Variants in WDFY3 observed in about 807,000 individuals in gnomAD.
WDFY3 encodes the protein WD repeat and FYVE domain containing 3, also known as WD repeat and FYVE domain-containing protein 3.
In WDFY3, 66 loss-of-function variants were observed where a neutral mutation model predicts 409.6. The ratio of observed to expected loss-of-function variants is 0.16; its 90% CI spans 0.13 to 0.20. The LOEUF (loss-of-function observed/expected upper bound fraction) is 0.20, where lower values mean the gene tolerates loss of function less well. Ranked by LOEUF, WDFY3 falls within the 10% of genes least tolerant of loss-of-function variation. The pLI is 1.00. For synonymous variants in WDFY3, 1,521 were observed against 1,537.1 expected, an observed-to-expected ratio of 0.99 and a Z score of 0.25; for missense variants, 3,031 against 4,298.1, an observed-to-expected ratio of 0.71 and a Z score of 8.24.
intron 65 of WDFY3, 131 bp downstream of exon 65, chr4:84,678,788 C>T: frequency 5.1e-6 from 5 of 981,358 alleles, no homozygotes; most frequent in Non-Finnish European, 7.5e-6. Flanking sequence ...AAGAGGCATT[C>T]TGTGTGAGTG....
rs755548050 is a variant in WDFY3 at position 84,836,925 on chromosome 4, A to T, written c.576+4T>A. The T allele has an allele frequency of 1.3e-6, 2 of 1,556,920 alleles. No individual in the cohort carries two copies. The highest frequency in any genetic ancestry group is 4.7e-5 in the East Asian group (2 of 42,440). ...TGGAGGTAGGCAAATAGCACCTTTC[A>T]TACCTGTACAAAAACTTTCTGGAGT... is the stretch of plus-strand genomic sequence containing the variant. On this transcript the variant is annotated splice_donor_region_variant and intron_variant, in intron 7 of 67. Coordinates refer to ENST00000295888, the MANE Select transcript of WDFY3 (RefSeq NM_014991.6).
chr4:84,723,517 G>T (rs991046280), intron 46 of WDFY3, among the ~76,000 whole-genome samples: 1 of 152,038 alleles, frequency 6.6e-6, no homozygotes, highest in African/African-American at 2.4e-5. Context: ...TGAATTTGTG[G>T]TGAATCAGAG....
chr4:84,756,387 C>A (rs959417196), intron 33 of WDFY3, among the ~76,000 whole-genome samples: 1 of 151,900 alleles, frequency 6.6e-6, no homozygotes, highest in Non-Finnish European at 1.5e-5. Context: ...GAGTTCAAGA[C>A]CAGCTAGGCC....
chr4:84,860,337 G>T, intron 4 of WDFY3, 75 bp downstream of exon 4: 4 of 1,474,358 alleles, frequency 2.7e-6, no homozygotes, highest in Admixed American at 2.1e-5. Context: ...TTCTACCTAT[G>T]GCTTACCAGT....
intron 10 of WDFY3, among the ~76,000 whole-genome samples, chr4:84,823,152 T>C (rs1254260259): frequency 1.3e-5 from 2 of 152,134 alleles, no homozygotes; most frequent in Non-Finnish European, 2.9e-5. Context: ...GACAGGTACA[T>C]GGATCAATCA....
At chr4:84,828,362 A>T (rs962691314) in intron 9 of WDFY3, among the ~76,000 whole-genome samples, 4 of 151,458 alleles carry the variant, frequency 2.6e-5, no homozygotes, top group Non-Finnish European at 4.4e-5. Context: ...CATCTACATA[A>T]TTATTCTTAT....
intron 21 of WDFY3, among the ~76,000 whole-genome samples, chr4:84,793,349 T>C (rs1748836535): frequency 6.6e-6 from 1 of 152,186 alleles, no homozygotes; most frequent in African/African-American, 2.4e-5. Context: ...CTGAGATGTT[T>C]ATTGGAATAC....
At chr4:84,949,106 G>A (rs192205289) in intron 1 of WDFY3, among the ~76,000 whole-genome samples, 2 of 152,226 alleles carry the variant, frequency 1.3e-5, no homozygotes, top group Admixed American at 1.3e-4. Flanking sequence ...TACCTTAAAT[G>A]TGGACTGATT....
At chr4:84,678,045 T>C (rs1056224772) in intron 66 of WDFY3, 123 bp downstream of exon 66, 3 of 626,850 alleles carry the variant, frequency 4.8e-6, no homozygotes, top group Non-Finnish European at 8.7e-6. Context: ...ATTTATCTCT[T>C]TGAGCTACAT....
chr4:84,768,812 T>A (rs578027129), intron 30 of WDFY3, among the ~76,000 whole-genome samples: 2 of 152,364 alleles, frequency 1.3e-5, no homozygotes, highest in South Asian at 4.1e-4. Context: ...AATACATTTC[T>A]TAAGGCTATA....
chr4:84,859,021 C>A (rs1191365985), intron 4 of WDFY3, among the ~76,000 whole-genome samples: 1 of 151,130 alleles, frequency 6.6e-6, no homozygotes, highest in Non-Finnish European at 1.5e-5. Context: ...GGAAGGCAGG[C>A]AGACACAGGA....
chr4:84,782,984 C>A lies in WDFY3; in HGVS notation c.4153G>T (p.Ala1385Ser), dbSNP rs562873048. 4 of 1,614,054 alleles carry A rather than the reference C, an allele frequency of 2.5e-6. No homozygotes were observed. Among genetic ancestry groups the A allele is most frequent in the East Asian group, 2.2e-5 (1 of 44,864 alleles). The change falls in exon 25 of 68, where the codon GCC becomes TCC. Residue 1385 changes from alanine to serine, a missense_variant. Transcript: ENST00000295888. The stretch of plus-strand genomic sequence containing the variant: ...TCACCCAAGTATCCAATCAGAGCGG[C>A]CCCAATTGTCCGTGCAGATCCATTA... ...HLNGSARTIG[A>S]ALIGYLGVRT...
intron 5 of WDFY3, among the ~76,000 whole-genome samples, chr4:84,845,811 G>A (rs116482897): frequency 0.011 from 1,659 of 151,822 alleles, 35 homozygotes; most frequent in African/African-American, 0.038. Context: ...GCCAGGGTAA[G>A]GCTAACTGAG....
intron 50 of WDFY3, 143 bp downstream of exon 50, chr4:84,715,155 G>T: frequency 1.9e-6 from 1 of 521,260 alleles, no homozygotes; most frequent in Non-Finnish European, 3.4e-6. Flanking sequence ...TGTTTCAAGA[G>T]GGTGGCAAAA....
At chr4:84,681,478 C>G (rs1727338166) in intron 64 of WDFY3, among the ~76,000 whole-genome samples, 1 of 152,074 alleles carries the variant, frequency 6.6e-6, no homozygotes, top group Non-Finnish European at 1.5e-5. Flanking sequence ...AATATAACAC[C>G]AACATTAAAA....
intron 12 of WDFY3, among the ~76,000 whole-genome samples, chr4:84,817,797 A>G (rs1460880849): frequency 6.6e-6 from 1 of 152,170 alleles, no homozygotes; most frequent in Non-Finnish European, 1.5e-5. Flanking sequence ...ACATTTCCTT[A>G]ATGCAAGATT....
chr4:84,923,392 C>T (rs1434133943), intron 2 of WDFY3, among the ~76,000 whole-genome samples: 1 of 152,200 alleles, frequency 6.6e-6, no homozygotes, highest in Non-Finnish European at 1.5e-5. Flanking sequence ...GCCCCCCCAC[C>T]TTATTACATT....
intron 36 of WDFY3, among the ~76,000 whole-genome samples, chr4:84,750,491 C>T (rs777313610): frequency 4.6e-5 from 7 of 152,022 alleles, no homozygotes; most frequent in Non-Finnish European, 1.0e-4. Context: ...ATCTCAGGTT[C>T]AGCTGTCAAA....
Position 84,794,988 on chromosome 4 carries a change from G to T in WDFY3, c.3168-9C>A. 1 of 1,532,644 alleles carries T rather than the reference G, an allele frequency of 6.5e-7. No homozygotes were observed. Among genetic ancestry groups the T allele is most frequent in the Non-Finnish European group, 8.7e-7 (1 of 1,145,988 alleles). The allele number at this position is 1,532,644 out of a possible 1,614,324, so 94.9% of individuals were successfully genotyped here. A position where few individuals can be genotyped will look rare whatever the true frequency, so the allele number is the denominator to read the frequency against. ...TGGGCAAAAAAAGACATCTATTAAA[G>T]AAAAGACAACATACATATTAGAGAT... On this transcript the variant is annotated splice_polypyrimidine_tract_variant and intron_variant, in intron 19 of 67. Coordinates refer to ENST00000295888, the MANE Select transcript of WDFY3 (RefSeq NM_014991.6).
Sources: gnomAD v4.1 joint callset for allele counts (sites outside exome capture counted in the v4.1 genomes callset) on GRCh38, gnomAD v4.1.1 for gene constraint, MANE v1.5 for transcripts, NCBI Gene and HGNC (gene_info 2026-07-23, HGNC 2026-07-21) for gene names.